RGPD5: variants seen among roughly 807,000 people sequenced by gnomAD.
The protein encoded by RGPD5 is RANBP2 like and GRIP domain containing 5.
At chr2:109,765,904 C>G in the RGPD5 span, among the ~76,000 whole-genome samples, 1 of 150,638 alleles carries the variant, frequency 6.6e-6, no homozygotes, top group African/African-American at 2.4e-5. Context: ...GCTACAGATC[C>G]CTGATCTTGA....
the RGPD5 span, among the ~76,000 whole-genome samples, chr2:109,760,979 C>G: frequency 1.5e-5 from 2 of 132,328 alleles, no homozygotes; most frequent in African/African-American, 5.9e-5. Context: ...CTCTCCTGTT[C>G]GCCTCCCTCG....
chr2:109,761,493 G>A, the RGPD5 span, among the ~76,000 whole-genome samples: 4 of 148,252 alleles, frequency 2.7e-5, no homozygotes, highest in Non-Finnish European at 4.5e-5. Context: ...CTCGCAGCCC[G>A]GGGGGCACTC....
At chr2:109,765,931 C>T in the RGPD5 span, among the ~76,000 whole-genome samples, 1 of 150,570 alleles carries the variant, frequency 6.6e-6, no homozygotes, top group South Asian at 2.1e-4. Flanking sequence ...GGTGCCTCTA[C>T]CCTTTCCTCC....
chr2:109,764,084 T>C, the RGPD5 span, among the ~76,000 whole-genome samples: 6 of 146,928 alleles, frequency 4.1e-5, no homozygotes, highest in African/African-American at 1.5e-4. Context: ...ATTATCCAGA[T>C]GGCTGTTTCA....
At chr2:109,799,096 C>T (rs1299677434) in intron 1 of RGPD5, among the ~76,000 whole-genome samples, 1 of 17,612 alleles carries the variant, frequency 5.7e-5, no homozygotes, top group Non-Finnish European at 8.9e-5. Context: ...GGTGAAACCC[C>T]ATCTCTACTG....
chr2:109,763,535 G>A, the RGPD5 span, among the ~76,000 whole-genome samples: 2 of 149,946 alleles, frequency 1.3e-5, no homozygotes, highest in East Asian at 2.0e-4. Flanking sequence ...ACAAAACCTC[G>A]ATGGACTGGA....
At chr2:109,766,881 A>G in the RGPD5 span, among the ~76,000 whole-genome samples, 2 of 149,916 alleles carry the variant, frequency 1.3e-5, no homozygotes, top group Non-Finnish European at 2.9e-5. Flanking sequence ...TAATGGTAAC[A>G]TAATTTTTTT....
At chr2:109,799,125 G>T (rs1428967455) in intron 1 of RGPD5, among the ~76,000 whole-genome samples, 1 of 31,568 alleles carries the variant, frequency 3.2e-5, no homozygotes, top group Non-Finnish European at 5.1e-5. Flanking sequence ...AAAATTAGCT[G>T]GGCATGGTGG....
chr2:109,766,499 G>A, the RGPD5 span, among the ~76,000 whole-genome samples: 10 of 150,738 alleles, frequency 6.6e-5, no homozygotes, highest in Admixed American at 6.1e-4. Context: ...TTAACCAAAT[G>A]TATCTTGATG....
rs1306931180 is a variant in RGPD5, at chr2:109,794,584, G to GGGCGGCGGC, written c.72+65_72+73dup. ...CGACGGCGGCCTCGACCCGGCCGGG[G>GGGCGGCGGC]GGCGGCGGCGGCGGCGGCGGCGGCG... On this transcript the variant is annotated intron_variant, in intron 1 of 22. Coordinates refer to ENST00000016946, the MANE Select transcript of RGPD5 (RefSeq NM_005054.3). 4.7e-4 allele frequency: 398 copies of GGGCGGCGGC among 854,572 alleles called. 2 individuals carry two copies. The highest frequency in any genetic ancestry group is 1.1e-3 in the South Asian group (19 of 18,042). The allele number at this position is 854,572 out of a possible 1,614,324, so 52.9% of individuals were successfully genotyped here.
At chr2:109,764,792 G>C in the RGPD5 span, among the ~76,000 whole-genome samples, 1 of 124,850 alleles carries the variant, frequency 8.0e-6, no homozygotes, top group Non-Finnish European at 1.6e-5. Context: ...TTGAACAAGG[G>C]CTTTCATGGT....
At chr2:109,774,659 G>T in the RGPD5 span, among the ~76,000 whole-genome samples, 1 of 59,376 alleles carries the variant, frequency 1.7e-5, no homozygotes, top group Non-Finnish European at 2.7e-5. Context: ...AGTATATTGT[G>T]TTCAAGCTAT....
the RGPD5 span, among the ~76,000 whole-genome samples, chr2:109,778,309 T>C: frequency 5.1e-4 from 72 of 140,236 alleles, 1 homozygote; most frequent in African/African-American, 1.9e-3. Context: ...ATGCAGATAA[T>C]GTGTGTCTTG....
the RGPD5 span, among the ~76,000 whole-genome samples, chr2:109,767,270 T>A: frequency 3.4e-5 from 5 of 149,086 alleles, no homozygotes; most frequent in African/African-American, 4.9e-5. Flanking sequence ...CAGCGTTCTG[T>A]CCCTGGCAAC....
the RGPD5 span, among the ~76,000 whole-genome samples, chr2:109,766,656 A>C: frequency 6.7e-6 from 1 of 149,092 alleles, no homozygotes; most frequent in Non-Finnish European, 1.5e-5. Flanking sequence ...AATCAATGAC[A>C]CTTGAGCAAC....
the RGPD5 span, among the ~76,000 whole-genome samples, chr2:109,766,586 G>C: frequency 6.6e-6 from 1 of 150,412 alleles, no homozygotes; most frequent in Non-Finnish European, 1.5e-5. Flanking sequence ...AAATGTAGGA[G>C]GGTTTTAAAA....
At chr2:109,766,909 A>T in the RGPD5 span, among the ~76,000 whole-genome samples, 36 of 148,990 alleles carry the variant, frequency 2.4e-4, 3 homozygotes, top group Admixed American at 6.2e-4. Flanking sequence ...TTTTATTTCA[A>T]AGTGAAATCC....
chr2:109,762,567 GCT>G, the RGPD5 span, among the ~76,000 whole-genome samples: 1 of 119,168 alleles, frequency 8.4e-6, no homozygotes, highest in Non-Finnish European at 1.7e-5. Context: ...CAGAACCTGA[GCT>G]CTGTTTCCTT....
At chr2:109,763,703 C>T in the RGPD5 span, among the ~76,000 whole-genome samples, 2 of 150,410 alleles carry the variant, frequency 1.3e-5, no homozygotes, top group Admixed American at 6.8e-5. Context: ...AAAGCTTCTT[C>T]CTTTGATTGA....
Sources: gnomAD v4.1 joint callset for allele counts (sites outside exome capture counted in the v4.1 genomes callset) on GRCh38, gnomAD v4.1.1 for gene constraint, MANE v1.5 for transcripts, NCBI Gene and HGNC (gene_info 2026-07-23, HGNC 2026-07-21) for gene names.